The following OCA2 variants were observed in gnomAD, a reference collection of about 807,000 sequenced individuals.
OCA2 encodes the protein OCA2 melanosomal transmembrane protein, also known as P protein.
A neutral mutation model predicts 100.2 loss-of-function variants in OCA2; 77 were observed. That is an observed-to-expected ratio of 0.77 (90% CI 0.64 to 0.93). The LOEUF (loss-of-function observed/expected upper bound fraction) is 0.93. OCA2 is among the 40% of genes least tolerant of loss of function. The pLI is 0.00. For synonymous variants in OCA2, 432 were observed against 439.2 expected (o/e 0.98, Z 0.21); for missense variants, 1,062 against 1,089.1 (o/e 0.98, Z 0.35).
chr15:28,043,822 A>C lies in OCA2; in HGVS notation c.228-11659T>G, dbSNP rs1340636404. On this transcript the variant is annotated intron_variant, in intron 2 of 23. Coordinates refer to ENST00000354638, the MANE Select transcript of OCA2 (RefSeq NM_000275.3). This position sits in a 1 kb window ranked among gnomAD's most constrained non-coding sequence, Gnocchi z 4.4. ...TTTATTGCACAAAGCACAGAAGTAT[A>C]CTCCTCCCAAAACAAACCAGATGGG... 6.6e-6 allele frequency among the ~76,000 whole-genome samples: 1 copy of C among 152,160 alleles called. No homozygotes were observed. The highest frequency in any genetic ancestry group is 1.5e-5 in the Non-Finnish European group (1 of 68,036).
intron 23 of OCA2, among the ~76,000 whole-genome samples, chr15:27,793,317 T>C (rs1384350721): frequency 1.3e-5 from 2 of 152,080 alleles, no homozygotes; most frequent in East Asian, 1.9e-4. Flanking sequence ...TGCGAAACTA[T>C]TACTAGAATC....
chr15:27,913,050 G>A (rs1477867546), intron 19 of OCA2, among the ~76,000 whole-genome samples: 2 of 152,186 alleles, frequency 1.3e-5, no homozygotes, highest in African/African-American at 4.8e-5. Flanking sequence ...CTTTTCAAAA[G>A]GGTCCAGATA....
At chr15:27,799,720 G>C (rs2033509078) in intron 23 of OCA2, among the ~76,000 whole-genome samples, 1 of 150,236 alleles carries the variant, frequency 6.7e-6, no homozygotes, top group Non-Finnish European at 1.5e-5. Context: ...ACTCCAGCCT[G>C]AGTGACAGAG....
chr15:27,721,396 C>G, the OCA2 span, among the ~76,000 whole-genome samples: 2 of 152,082 alleles, frequency 1.3e-5, no homozygotes, highest in African/African-American at 4.8e-5. Flanking sequence ...GTAATTTGCA[C>G]TTTTAATACA....
At chr15:27,833,704 T>G (rs925453796) in intron 23 of OCA2, among the ~76,000 whole-genome samples, 1 of 152,216 alleles carries the variant, frequency 6.6e-6, no homozygotes, top group African/African-American at 2.4e-5. Flanking sequence ...ATAGGAAATT[T>G]GATCCGTGGA....
At chr15:27,741,994 T>C in the OCA2 span, among the ~76,000 whole-genome samples, 8 of 112,266 alleles carry the variant, frequency 7.1e-5, no homozygotes, top group Middle Eastern at 4.8e-3. Context: ...GATTTAAACA[T>C]CCTCCTCTTG....
chr15:27,808,203 A>G (rs1251826911), intron 23 of OCA2, among the ~76,000 whole-genome samples: 1 of 152,246 alleles, frequency 6.6e-6, no homozygotes, highest in African/African-American at 2.4e-5. Context: ...CGGCAAGCCC[A>G]CATTTGTGGG....
downstream of OCA2, among the ~76,000 whole-genome samples, chr15:27,753,972 C>T (rs983791448): frequency 6.6e-6 from 1 of 151,906 alleles, no homozygotes; most frequent in African/African-American, 2.4e-5. Flanking sequence ...GAAGAGGAAA[C>T]AGTGCTTTTC....
At chr15:27,883,873 A>C (rs2151558411) in intron 19 of OCA2, among the ~76,000 whole-genome samples, 1 of 152,278 alleles carries the variant, frequency 6.6e-6, no homozygotes, top group South Asian at 2.1e-4. Flanking sequence ...AAAAAGAAAA[A>C]TCTGATTTTT....
At chr15:27,868,280 AC>A (rs1332568641) in intron 21 of OCA2, among the ~76,000 whole-genome samples, 5 of 152,344 alleles carry the variant, frequency 3.3e-5, no homozygotes, top group African/African-American at 1.2e-4. Flanking sequence ...CTGTAGCATT[AC>A]TCAGAATAGC....
Position 28,037,620 on chromosome 15 carries a change from G to A in OCA2, c.228-5457C>T, listed in dbSNP as rs1267983505. On this transcript the variant is annotated intron_variant, in intron 2 of 23. Transcript: ENST00000354638. ...GTTGATGAGTATTAATAACAACCAT[G>A]GTCATTTAAGCAAGTACTTTCTATG... 2.0e-5 allele frequency among the ~76,000 whole-genome samples: 3 copies of A among 152,184 alleles called. No homozygotes were observed. The East Asian group carries it at 5.8e-4, about 29-fold the overall frequency.
intron 23 of OCA2, among the ~76,000 whole-genome samples, chr15:27,771,163 C>T (rs1378004574): frequency 6.6e-6 from 1 of 151,242 alleles, no homozygotes; most frequent in Non-Finnish European, 1.5e-5. Flanking sequence ...CAGCGACACC[C>T]CCTTGGCCTC....
intron 19 of OCA2, among the ~76,000 whole-genome samples, chr15:27,915,767 TAA>T (rs529269597): frequency 1.7e-3 from 260 of 152,278 alleles, no homozygotes; most frequent in African/African-American, 5.8e-3. Context: ...GATTAGAGTA[TAA>T]GTCAGTTCAG....
chr15:27,745,219 G>T, the OCA2 span, among the ~76,000 whole-genome samples: 1 of 152,150 alleles, frequency 6.6e-6, no homozygotes, highest in Non-Finnish European at 1.5e-5. Flanking sequence ...AAAGTAAGAG[G>T]AGGAAACGTG....
intron 18 of OCA2, chr15:27,950,663 T>G: frequency 2.7e-6 from 1 of 372,096 alleles, no homozygotes; most frequent in South Asian, 2.0e-5. Context: ...ATACATCATG[T>G]GTTGTGTGAG....
intron 19 of OCA2, among the ~76,000 whole-genome samples, chr15:27,910,749 A>G (rs2038362151): frequency 6.6e-6 from 1 of 151,678 alleles, no homozygotes; most frequent in South Asian, 2.1e-4. Context: ...CAAAGTCAGG[A>G]GTTCGAGACC....
chr15:27,929,825 A>AAATTTTTTTTTTTTTTTTTT lies in OCA2; in HGVS notation c.1952-3572_1952-3571insAAAAAAAAAAAAAAAAAATT, dbSNP rs71132826. On this transcript the variant is annotated intron_variant, in intron 18 of 23. Transcript: ENST00000354638. ...GTAAACAACACAATTCAAATGGGAA[A>AAATTTTTTTTTTTTTTTTTT]TATTTTAAACAGACACTTCAACAAA... 8.0e-3 allele frequency among the ~76,000 whole-genome samples: 1,191 copies of AAATTTTTTTTTTTTTTTTTT among 148,484 alleles called. 2 individuals carry two copies. Among genetic ancestry groups the AAATTTTTTTTTTTTTTTTTT allele is most frequent in the East Asian group, 9.7e-3 (49 of 5,064 alleles).
chr15:27,853,742 G>A (rs2035850416), intron 21 of OCA2, among the ~76,000 whole-genome samples: 1 of 152,104 alleles, frequency 6.6e-6, no homozygotes, highest in Non-Finnish European at 1.5e-5. Flanking sequence ...AGCCCACAGG[G>A]TGTGAAGGAG....
chr15:27,903,201 C>G (rs1324363154), intron 19 of OCA2, among the ~76,000 whole-genome samples: 2 of 152,238 alleles, frequency 1.3e-5, no homozygotes, highest in Admixed American at 6.5e-5. Flanking sequence ...GCCGTGAACC[C>G]TCAAAGCAGG....
Sources: gnomAD v4.1 joint callset for allele counts (sites outside exome capture counted in the v4.1 genomes callset) on GRCh38, gnomAD v4.1.1 for gene constraint, Gnocchi (gnomAD v3.1) non-coding constraint, MANE v1.5 for transcripts, NCBI Gene and HGNC (gene_info 2026-07-23, HGNC 2026-07-21) for gene names.